Variants in BRINP3 observed in about 807,000 individuals in gnomAD.
The protein encoded by BRINP3 is BMP/retinoic acid inducible neural specific 3, also known as BMP/retinoic acid-inducible neural-specific protein 3.
In BRINP3, 19 loss-of-function variants were observed where a neutral mutation model predicts 71.0. The ratio of observed to expected loss-of-function variants is 0.27; its 90% confidence interval spans 0.19 to 0.39. The LOEUF is 0.39. BRINP3 is among the 10% of genes least tolerant of loss of function. The pLI, the probability that BRINP3 is intolerant of heterozygous loss-of-function variation, is 1.00. For synonymous variants in BRINP3, 380 were observed against 337.7 expected (o/e 1.13, Z -1.37); for missense variants, 959 against 940.8 (o/e 1.02, Z -0.25).
chr1:190,198,313 A>G (rs958432031), intron 6 of BRINP3, among the ~76,000 whole-genome samples: 3 of 152,078 alleles, frequency 2.0e-5, no homozygotes, highest in African/African-American at 7.2e-5. Context: ...GGCAATTAAC[A>G]TTTGGCTCTT....
intron 6 of BRINP3, among the ~76,000 whole-genome samples, chr1:190,197,275 GAC>G (rs970017751): frequency 6.6e-6 from 1 of 152,074 alleles, no homozygotes; most frequent in Non-Finnish European, 1.5e-5. Context: ...TTTGGAAAGA[GAC>G]AGAGCCAAAC....
intron 7 of BRINP3, among the ~76,000 whole-genome samples, chr1:190,126,904 T>C (rs935362240): frequency 4.6e-5 from 7 of 151,884 alleles, no homozygotes; most frequent in East Asian, 1.9e-4. Context: ...TCTACCTTCA[T>C]TGGACTGATA....
chr1:190,462,463 T>A (rs1676459446), intron 1 of BRINP3, among the ~76,000 whole-genome samples: 1 of 151,966 alleles, frequency 6.6e-6, no homozygotes, highest in Admixed American at 6.6e-5. Flanking sequence ...CAATGAGAAT[T>A]TAAAGAATAA....
intron 2 of BRINP3, among the ~76,000 whole-genome samples, chr1:190,325,272 A>G (rs1297067675): frequency 1.3e-5 from 2 of 152,012 alleles, no homozygotes; most frequent in Admixed American, 6.6e-5. Flanking sequence ...TAAATAAATA[A>G]TTTGTAGATT....
At chr1:190,244,558 C>T (rs1487269591) in intron 4 of BRINP3, among the ~76,000 whole-genome samples, 1 of 151,994 alleles carries the variant, frequency 6.6e-6, no homozygotes, top group Non-Finnish European at 1.5e-5. Context: ...TATCACCATC[C>T]TGGAAGACGA....
intron 2 of BRINP3, among the ~76,000 whole-genome samples, chr1:190,410,145 T>C (rs533987431): frequency 6.6e-6 from 1 of 152,198 alleles, no homozygotes; most frequent in Non-Finnish European, 1.5e-5. Flanking sequence ...ATGTAAGAAA[T>C]GATATTGACC....
At chr1:190,168,167 T>C (rs985750452) in intron 6 of BRINP3, among the ~76,000 whole-genome samples, 3 of 151,922 alleles carry the variant, frequency 2.0e-5, no homozygotes, top group Admixed American at 6.6e-5. Flanking sequence ...ATCATGCGCA[T>C]TGACAAATAC....
chr1:190,428,417 AC>A, intron 2 of BRINP3, among the ~76,000 whole-genome samples: 1 of 151,998 alleles, frequency 6.6e-6, no homozygotes, highest in Middle Eastern at 3.4e-3. Context: ...TATTATCAAT[AC>A]CTCATAATCC....
chr1:190,298,571 A>T (rs1173712243), intron 2 of BRINP3, among the ~76,000 whole-genome samples: 2 of 151,540 alleles, frequency 1.3e-5, no homozygotes, highest in Non-Finnish European at 2.9e-5. Flanking sequence ...TGGTCTTGGG[A>T]CTTTGTCTTT....
At chr1:190,189,824 C>T (rs368298456) in intron 6 of BRINP3, among the ~76,000 whole-genome samples, 30 of 152,016 alleles carry the variant, frequency 2.0e-4, no homozygotes, top group Admixed American at 1.2e-3. Context: ...TTGATCCTTG[C>T]GGTTGTTTGT....
chr1:190,212,442 C>T (rs1013912042), intron 6 of BRINP3, among the ~76,000 whole-genome samples: 1 of 152,084 alleles, frequency 6.6e-6, no homozygotes, highest in Non-Finnish European at 1.5e-5. Context: ...AGATACATCT[C>T]ATTTTCCCGC....
chr1:190,359,559 G>A (rs573434219), intron 2 of BRINP3, among the ~76,000 whole-genome samples: 1 of 152,128 alleles, frequency 6.6e-6, no homozygotes, highest in East Asian at 1.9e-4. Flanking sequence ...ACAGGAGATT[G>A]GGTCCAGCCT....
chr1:190,246,537 A>C (rs1395824212), intron 4 of BRINP3, among the ~76,000 whole-genome samples: 1 of 152,070 alleles, frequency 6.6e-6, no homozygotes. Flanking sequence ...GAGAAAAATG[A>C]TTCTTCACTG....
At chr1:190,444,746 G>T (rs921065443) in intron 2 of BRINP3, among the ~76,000 whole-genome samples, 1 of 152,024 alleles carries the variant, frequency 6.6e-6, no homozygotes, top group Non-Finnish European at 1.5e-5. Context: ...ATATTTGCCA[G>T]ACTGGTCTCG....
At chr1:190,373,126 A>G (rs1669964287) in intron 2 of BRINP3, among the ~76,000 whole-genome samples, 1 of 152,126 alleles carries the variant, frequency 6.6e-6, no homozygotes. Context: ...AAAAACACTG[A>G]ATAAAATTAA....
At position 190,301,184 on chromosome 1, in the gene BRINP3, T is replaced by TGTATATATATAC. The variant is rs60613691; in HGVS notation, c.237-19435_237-19434insGTATATATATAC. ...ATATATACATATATATACATATATA[T>TGTATATATATAC]ATGTATATATATACACATACATATA... is the stretch of plus-strand genomic sequence containing the variant. On this transcript the variant is annotated intron_variant, in intron 2 of 7. Transcript: ENST00000367462. Among the ~76,000 whole-genome samples, 111 of 112,886 alleles carry TGTATATATATAC rather than the reference T, an allele frequency of 9.8e-4. 3 individuals carry two copies. Among genetic ancestry groups the TGTATATATATAC allele is most frequent in the African/African-American group, 2.1e-3 (64 of 31,070 alleles). 74.1% of individuals were successfully genotyped at this position (112,886 alleles called of 152,430 possible). A position where few individuals can be genotyped will look rare whatever the true frequency, so the allele number is the denominator to read the frequency against.
At chr1:190,193,198 T>C (rs192608927) in intron 6 of BRINP3, among the ~76,000 whole-genome samples, 1 of 152,038 alleles carries the variant, frequency 6.6e-6, no homozygotes, top group African/African-American at 2.4e-5. Flanking sequence ...GAAGAAACTA[T>C]CAATATGGAG....
chr1:190,276,745 G>T (rs1662587212), intron 3 of BRINP3, among the ~76,000 whole-genome samples: 1 of 150,854 alleles, frequency 6.6e-6, no homozygotes, highest in Non-Finnish European at 1.5e-5. Context: ...TTTGCACATT[G>T]ATCATGAATT....
chr1:190,265,999 A>G (rs1248101416), intron 3 of BRINP3, among the ~76,000 whole-genome samples: 1 of 152,218 alleles, frequency 6.6e-6, no homozygotes, highest in Non-Finnish European at 1.5e-5. Flanking sequence ...TCTCAAACGT[A>G]AAACGTAAAG....
Sources: gnomAD v4.1 joint callset for allele counts (sites outside exome capture counted in the v4.1 genomes callset) on GRCh38, gnomAD v4.1.1 for gene constraint, MANE v1.5 for transcripts, NCBI Gene and HGNC (gene_info 2026-07-23, HGNC 2026-07-21) for gene names.